Variants in MS4A6E observed in about 807,000 individuals in gnomAD.
MS4A6E encodes membrane spanning 4-domains A6E, also known as membrane-spanning 4-domains subfamily A member 6E.
In MS4A6E, 8 loss-of-function variants were observed where a neutral mutation model predicts 13.2. The ratio of observed to expected loss-of-function variants is 0.60; its 90% CI spans 0.35 to 1.09. The LOEUF (loss-of-function observed/expected upper bound fraction) is 1.09, where lower values mean the gene tolerates loss of function less well. Ranked by LOEUF, MS4A6E falls within the 50% of genes least tolerant of loss-of-function variation. The pLI is 0.02. For synonymous variants in MS4A6E, 72 were observed against 67.6 expected (o/e 1.06, Z -0.32); for missense variants, 177 against 171.1 (o/e 1.03, Z -0.19).
intron 2 of MS4A6E, among the ~76,000 whole-genome samples, chr11:60,335,928 A>T (rs2085186174): frequency 6.6e-6 from 1 of 152,154 alleles, no homozygotes; most frequent in Non-Finnish European, 1.5e-5. Context: ...GACACGTAGA[A>T]GGGAACAATG....
At chr11:60,340,026 G>A (rs2085214451) in intron 4 of MS4A6E, 62 bp downstream of exon 4, 3 of 1,598,720 alleles carry the variant, frequency 1.9e-6, no homozygotes, top group African/African-American at 1.3e-5. Flanking sequence ...GCACTGTGTT[G>A]AGTATGTCAC....
At chr11:60,348,117 G>A (rs1316137178) in intron 4 of MS4A6E, among the ~76,000 whole-genome samples, 1 of 152,152 alleles carries the variant, frequency 6.6e-6, no homozygotes, top group African/African-American at 2.4e-5. Flanking sequence ...CTGCTAACAG[G>A]ACAGTCTCAG....
chr11:60,346,828 A>G (rs2085258053), intron 4 of MS4A6E, among the ~76,000 whole-genome samples: 1 of 152,074 alleles, frequency 6.6e-6, no homozygotes, highest in Admixed American at 6.5e-5. Context: ...TTCATCTCCA[A>G]ATTTCTCTGC....
chr11:60,329,850 G>T, intron 1 of MS4A6E, among the ~76,000 whole-genome samples: 3 of 128,342 alleles, frequency 2.3e-5, no homozygotes, highest in African/African-American at 9.1e-5. Flanking sequence ...TTTTGAGATA[G>T]AATATCGTTC....
chr11:60,340,898 T>C lies in MS4A6E; in HGVS notation c.*132T>C, dbSNP rs2085220606. ...TATGATAATATGGAAAACCTAACCA[T>C]TATAAAAAAGCAAACTTGAGTTTCC... On this transcript the variant is annotated 3_prime_UTR_variant, in exon 5 of 5. Transcript: ENST00000684409. 6.5e-6 allele frequency: 1 copy of C among 154,770 alleles called. No individual in the cohort carries two copies. Among genetic ancestry groups the C allele is most frequent in the Non-Finnish European group, 1.5e-5 (1 of 68,756 alleles). 9.6% of individuals were successfully genotyped at this position (154,770 alleles called of 1,614,324 possible).
At chr11:60,345,715 TC>T (rs2085253365), downstream of MS4A6E, among the ~76,000 whole-genome samples, 1 of 152,120 alleles carries the variant, frequency 6.6e-6, no homozygotes, top group South Asian at 2.1e-4. Flanking sequence ...AGCCAAAGGC[TC>T]CCCCTAGAGG....
downstream of MS4A6E, among the ~76,000 whole-genome samples, chr11:60,345,933 A>G (rs958837236): frequency 6.6e-6 from 1 of 152,152 alleles, no homozygotes. Context: ...GGAAGAGGGG[A>G]GGCCTGGATT....
At chr11:60,331,737 CAT>C (rs1237494495) in intron 1 of MS4A6E, among the ~76,000 whole-genome samples, 21 of 152,240 alleles carry the variant, frequency 1.4e-4, no homozygotes, top group African/African-American at 4.3e-4. Context: ...TCCCGAAATT[CAT>C]ATGTTAAAAT....
intron 4 of MS4A6E, among the ~76,000 whole-genome samples, chr11:60,346,622 G>T (rs867948418): frequency 3.9e-5 from 6 of 152,128 alleles, no homozygotes; most frequent in Middle Eastern, 3.2e-3. Context: ...AAAAGGTTTG[G>T]CCCTAGTTCT....
downstream of MS4A6E, among the ~76,000 whole-genome samples, chr11:60,341,895 T>C (rs2085228107): frequency 6.6e-6 from 1 of 152,178 alleles, no homozygotes; most frequent in East Asian, 1.9e-4. Flanking sequence ...TTGCCTATTG[T>C]GGACATTCAA....
downstream of MS4A6E, among the ~76,000 whole-genome samples, chr11:60,343,408 C>A (rs1323485557): frequency 2.6e-5 from 4 of 152,128 alleles, no homozygotes; most frequent in African/African-American, 9.7e-5. Context: ...CAGAATATTA[C>A]AGCAATTAGA....
intron 1 of MS4A6E, among the ~76,000 whole-genome samples, chr11:60,331,155 A>G (rs2085153544): frequency 6.6e-6 from 1 of 152,198 alleles, no homozygotes; most frequent in Admixed American, 6.5e-5. Flanking sequence ...CTGATACTTA[A>G]TGTCTAAATA....
chr11:60,348,373 T>A (rs1352680569), intron 4 of MS4A6E, among the ~76,000 whole-genome samples: 1 of 152,164 alleles, frequency 6.6e-6, no homozygotes, highest in Non-Finnish European at 1.5e-5. Context: ...GTACAGCTCA[T>A]TTCAGGGAGA....
chr11:60,348,368 G>T (rs886679811), intron 4 of MS4A6E, among the ~76,000 whole-genome samples: 5 of 152,170 alleles, frequency 3.3e-5, no homozygotes, highest in Non-Finnish European at 7.4e-5. Flanking sequence ...AAAGAGTACA[G>T]CTCATTTCAG....
At chr11:60,346,508 AG>A (rs1404083090) in intron 4 of MS4A6E, among the ~76,000 whole-genome samples, 1 of 152,202 alleles carries the variant, frequency 6.6e-6, no homozygotes, top group Non-Finnish European at 1.5e-5. Context: ...TGACTGAATA[AG>A]GGGATAGGAA....
chr11:60,345,989 T>C (rs1350850822), downstream of MS4A6E, among the ~76,000 whole-genome samples: 1 of 152,182 alleles, frequency 6.6e-6, no homozygotes, highest in Non-Finnish European at 1.5e-5. Flanking sequence ...GAGGTCTACC[T>C]TCCTTCCTTT....
chr11:60,330,440 C>A (rs893639716), intron 1 of MS4A6E, among the ~76,000 whole-genome samples: 1 of 140,344 alleles, frequency 7.1e-6, no homozygotes, highest in African/African-American at 2.6e-5. Context: ...CTCCCGGGTT[C>A]ACACCATTCT....
At chr11:60,337,216 G>C (rs988218847) in intron 2 of MS4A6E, among the ~76,000 whole-genome samples, 1 of 152,188 alleles carries the variant, frequency 6.6e-6, no homozygotes, top group African/African-American at 2.4e-5. Flanking sequence ...AGAGGCAATA[G>C]GCACGCAAAA....
intron 1 of MS4A6E, among the ~76,000 whole-genome samples, chr11:60,332,853 T>C (rs1449216157): frequency 6.6e-6 from 1 of 152,218 alleles, no homozygotes; most frequent in African/African-American, 2.4e-5. Flanking sequence ...ATATAACAAA[T>C]AAGATTTTAT....
Sources: allele counts gnomAD v4.1 joint callset (sites outside exome capture counted in the v4.1 genomes callset), GRCh38; gene constraint gnomAD v4.1.1; transcripts MANE v1.5; gene names NCBI Gene and HGNC (gene_info 2026-07-23, HGNC 2026-07-21).